Variants in SNX18 observed in about 807,000 individuals in gnomAD.
SNX18 encodes sorting nexin-18.
In SNX18, 35 loss-of-function variants were observed where a neutral mutation model predicts 48.7. The observed-to-expected ratio is 0.72, with a 90% CI of 0.55 to 0.95. SNX18 has a LOEUF of 0.95. SNX18 is among the 40% of genes least tolerant of loss of function. The pLI, the probability that SNX18 is intolerant of heterozygous loss-of-function variation, is 0.00. For synonymous variants in SNX18, 492 were observed against 384.7 expected, an observed-to-expected ratio of 1.28 and a Z score of -3.26; for missense variants, 824 against 871.0, an observed-to-expected ratio of 0.95 and a Z score of 0.68.
the SNX18 span, among the ~76,000 whole-genome samples, chr5:54,564,461 G>A: frequency 1.2e-3 from 178 of 152,174 alleles, 1 homozygote; most frequent in Non-Finnish European, 1.8e-3. Context: ...AATTACTGCT[G>A]TAACAGATTA....
the SNX18 span, among the ~76,000 whole-genome samples, chr5:54,599,595 G>C: frequency 6.6e-6 from 1 of 152,030 alleles, no homozygotes; most frequent in East Asian, 1.9e-4. Context: ...ATACTAAAAG[G>C]CTACAATAGC....
the SNX18 span, among the ~76,000 whole-genome samples, chr5:54,577,353 G>A: frequency 1.7e-4 from 16 of 96,616 alleles, no homozygotes; most frequent in African/African-American, 3.0e-4. Flanking sequence ...CCCACTCCCC[G>A]CCCCCCTCCC....
chr5:54,643,249 A>G, the SNX18 span, among the ~76,000 whole-genome samples: 19 of 152,294 alleles, frequency 1.2e-4, no homozygotes, highest in South Asian at 3.9e-3. Flanking sequence ...AATGGTCATT[A>G]TATTTTTAGT....
At chr5:54,612,546 A>G in the SNX18 span, among the ~76,000 whole-genome samples, 3 of 152,048 alleles carry the variant, frequency 2.0e-5, no homozygotes, top group Non-Finnish European at 2.9e-5. Context: ...TACAGGCGTG[A>G]GCCACCGTGC....
At chr5:54,628,762 G>A in the SNX18 span, among the ~76,000 whole-genome samples, 1 of 152,198 alleles carries the variant, frequency 6.6e-6, no homozygotes, top group Non-Finnish European at 1.5e-5. Context: ...GAAACACCTT[G>A]CAATGTTCTG....
chr5:54,641,464 C>T, the SNX18 span, among the ~76,000 whole-genome samples: 1 of 152,072 alleles, frequency 6.6e-6, no homozygotes, highest in Middle Eastern at 3.4e-3. Context: ...TTGAAGTTGG[C>T]GTGGGATGGG....
chr5:54,580,399 T>C, the SNX18 span, among the ~76,000 whole-genome samples: 1 of 152,212 alleles, frequency 6.6e-6, no homozygotes, highest in Non-Finnish European at 1.5e-5. Context: ...TTTCTCTTGC[T>C]CTCTCATTTT....
intron 1 of SNX18, among the ~76,000 whole-genome samples, chr5:54,524,660 G>A (rs1037637607): frequency 5.9e-5 from 9 of 152,174 alleles, no homozygotes; most frequent in African/African-American, 1.9e-4. Context: ...TTGAAGCTCT[G>A]TATCATTAAC....
the SNX18 span, among the ~76,000 whole-genome samples, chr5:54,581,130 C>A: frequency 1.3e-5 from 2 of 152,110 alleles, no homozygotes; most frequent in Non-Finnish European, 2.9e-5. Flanking sequence ...TTGGAGAGGT[C>A]CACTTGGCCA....
chr5:54,605,599 T>C, the SNX18 span, among the ~76,000 whole-genome samples: 20 of 152,326 alleles, frequency 1.3e-4, no homozygotes, highest in African/African-American at 4.6e-4. Context: ...ATATCCAGAA[T>C]AGTATTATTT....
At chr5:54,581,768 G>T in the SNX18 span, among the ~76,000 whole-genome samples, 1 of 152,204 alleles carries the variant, frequency 6.6e-6, no homozygotes, top group Non-Finnish European at 1.5e-5. Context: ...CTTTATCAAA[G>T]TCCTCCACGT....
chr5:54,531,925 T>C (rs1762258924), intron 1 of SNX18, among the ~76,000 whole-genome samples: 1 of 152,188 alleles, frequency 6.6e-6, no homozygotes, highest in South Asian at 2.1e-4. Context: ...ACTGGAAAAT[T>C]ACTTGAAAAC....
the SNX18 span, among the ~76,000 whole-genome samples, chr5:54,616,785 A>AC: frequency 6.6e-6 from 1 of 151,984 alleles, no homozygotes; most frequent in Non-Finnish European, 1.5e-5. Context: ...GAAAAAAAAA[A>AC]TGTGCATCTT....
chr5:54,595,898 T>A, the SNX18 span, among the ~76,000 whole-genome samples: 1 of 152,186 alleles, frequency 6.6e-6, no homozygotes, highest in South Asian at 2.1e-4. Context: ...ACTGCATCAT[T>A]CCTATCTCTG....
chr5:54,537,734 A>G lies in SNX18; in HGVS notation c.1622-5445A>G, dbSNP rs543047724. On this transcript the variant is annotated intron_variant, in intron 1 of 1. Transcript: ENST00000381410. ...AGCCACTTAAAAAGCAGAGCTTTCA[A>G]TGCTATTGCCTGTTTTCATATTGAT... Among the ~76,000 whole-genome samples the G allele has an allele frequency of 3.5e-4, 53 of 152,284 alleles. 1 individual carries two copies. In the South Asian group the frequency reaches 9.5e-3, roughly 27 times the overall value.
chr5:54,543,587 A>T lies in SNX18; in HGVS notation c.*155A>T. ...CCAGCTGAATTTATAATTATGTAGGAAATAAACAGTTAATATGGTTATATA... is the reference window on the plus strand; with the variant it reads ...CCAGCTGAATTTATAATTATGTAGGTAATAAACAGTTAATATGGTTATATA... On this transcript the variant is annotated 3_prime_UTR_variant, in exon 2 of 2. Coordinates refer to ENST00000381410, the MANE Select transcript of SNX18 (RefSeq NM_001102575.2). 1.2e-6 allele frequency: 1 copy of T among 803,856 alleles called. No homozygotes were observed. Among genetic ancestry groups the T allele is most frequent in the Non-Finnish European group, 2.0e-6 (1 of 511,400 alleles). The allele number at this position is 803,856 out of a possible 1,614,324, so 49.8% of individuals were successfully genotyped here.
chr5:54,621,579 C>T, the SNX18 span, among the ~76,000 whole-genome samples: 6 of 152,198 alleles, frequency 3.9e-5, no homozygotes, highest in Non-Finnish European at 7.3e-5. Flanking sequence ...TTAGTGACCA[C>T]TGCAGCCAGT....
At chr5:54,590,946 G>A in the SNX18 span, among the ~76,000 whole-genome samples, 22 of 152,232 alleles carry the variant, frequency 1.4e-4, no homozygotes, top group East Asian at 2.5e-3. Context: ...CACTGGCATG[G>A]CTTAGTGAAA....
intron 1 of SNX18, among the ~76,000 whole-genome samples, chr5:54,539,468 C>G (rs1242516168): frequency 6.6e-6 from 1 of 152,222 alleles, no homozygotes; most frequent in African/African-American, 2.4e-5. Context: ...TCCACCCTGC[C>G]ACCATCCATA....
Sources: gnomAD v4.1 joint callset for allele counts (sites outside exome capture counted in the v4.1 genomes callset) on GRCh38, gnomAD v4.1.1 for gene constraint, MANE v1.5 for transcripts, NCBI Gene and HGNC (gene_info 2026-07-23, HGNC 2026-07-21) for gene names.